Variants in PAMR1 observed in about 807,000 individuals in gnomAD.
The protein encoded by PAMR1 is peptidase domain containing associated with muscle regeneration 1.
Under a neutral mutation model 81.8 loss-of-function variants are expected in PAMR1, and 88 were observed. The observed-to-expected ratio is 1.08, with a 90% CI of 0.91 to 1.28. The LOEUF (loss-of-function observed/expected upper bound fraction) is 1.28, where lower values mean the gene tolerates loss of function less well. Ranked by LOEUF, PAMR1 falls within the 50% of genes most tolerant of loss-of-function variation. PAMR1 has a pLI of 0.00. For missense variants in PAMR1, 935 were observed against 919.7 expected, an observed-to-expected ratio of 1.02 and a Z score of -0.21; for synonymous variants, 336 against 345.3, an observed-to-expected ratio of 0.97 and a Z score of 0.30.
At chr11:35,471,223 C>T (rs1174963298) in intron 4 of PAMR1, among the ~76,000 whole-genome samples, 1 of 152,122 alleles carries the variant, frequency 6.6e-6, no homozygotes, top group East Asian at 1.9e-4. Context: ...CCTTATTTTT[C>T]TCATACTGTA....
At chr11:35,471,449 A>G (rs1167958788) in intron 4 of PAMR1, among the ~76,000 whole-genome samples, 4 of 152,308 alleles carry the variant, frequency 2.6e-5, no homozygotes, top group East Asian at 1.9e-4. Flanking sequence ...GTAATTTTAT[A>G]GTTGGAGAAT....
At chr11:35,466,340 C>A (rs1370892452) in intron 6 of PAMR1, among the ~76,000 whole-genome samples, 1 of 152,150 alleles carries the variant, frequency 6.6e-6, no homozygotes, top group East Asian at 1.9e-4. Flanking sequence ...CTGTGCCAAA[C>A]CAGGGCAAGG....
intron 9 of PAMR1, among the ~76,000 whole-genome samples, chr11:35,435,559 G>A (rs961166114): frequency 6.6e-6 from 1 of 152,124 alleles, no homozygotes; most frequent in Admixed American, 6.5e-5. Context: ...ACTGGGTGAT[G>A]AGTGTAAAAA....
Position 35,470,665 on chromosome 11 carries a change from G to A in PAMR1, c.648C>T (p.Val216=). 6.2e-7 allele frequency: 1 copy of A among 1,614,212 alleles called. No homozygotes were observed. Among genetic ancestry groups the A allele is most frequent in the Non-Finnish European group, 8.5e-7 (1 of 1,180,020 alleles). Reference sequence around the variant, plus strand: ...TCTTGGAGCCATCGGAGTGGAAGAGGACGTGGAGTGAGGATCCTATGCTCT... The same window carrying A: ...TCTTGGAGCCATCGGAGTGGAAGAGAACGTGGAGTGAGGATCCTATGCTCT... ...PIQSIGSSLH[V]LFHSDGSKNF... Residue 216 remains valine (V), a synonymous_variant, in exon 5 of 11, where the codon GTC becomes GTT. Transcript: ENST00000619888.
chr11:35,472,030 T>C (rs1392583114), intron 4 of PAMR1, among the ~76,000 whole-genome samples: 1 of 152,188 alleles, frequency 6.6e-6, no homozygotes, highest in Admixed American at 6.5e-5. Context: ...TTCTAAAAGG[T>C]ACTATTAACA....
chr11:35,435,291 C>T (rs933313764), intron 9 of PAMR1, among the ~76,000 whole-genome samples: 17 of 152,260 alleles, frequency 1.1e-4, no homozygotes, highest in African/African-American at 3.6e-4. Context: ...GCCCCTAATC[C>T]GGACACTTTG....
At chr11:35,473,407 G>A (rs916000037) in intron 4 of PAMR1, among the ~76,000 whole-genome samples, 4 of 152,090 alleles carry the variant, frequency 2.6e-5, no homozygotes, top group African/African-American at 9.7e-5. Context: ...GCCCAGAGGG[G>A]ACCATTTGTC....
chr11:35,445,152 G>T (rs921547295), intron 6 of PAMR1, among the ~76,000 whole-genome samples: 1 of 152,176 alleles, frequency 6.6e-6, no homozygotes, highest in African/African-American at 2.4e-5. Context: ...GTCTGTTGTT[G>T]ATGTATAGGA....
At chr11:35,510,294 T>TTTC (rs1851048256) in intron 1 of PAMR1, among the ~76,000 whole-genome samples, 1 of 152,178 alleles carries the variant, frequency 6.6e-6, no homozygotes, top group Non-Finnish European at 1.5e-5. Context: ...GGACTCATCA[T>TTTC]TATCACTGGA....
At chr11:35,480,033 T>A (rs1210517379) in intron 3 of PAMR1, among the ~76,000 whole-genome samples, 1 of 152,168 alleles carries the variant, frequency 6.6e-6, no homozygotes, top group Non-Finnish European at 1.5e-5. Context: ...TCCACCTGAC[T>A]CTATGATTGT....
chr11:35,440,964 AC>A (rs1195166834), intron 7 of PAMR1, among the ~76,000 whole-genome samples: 2 of 152,164 alleles, frequency 1.3e-5, no homozygotes, highest in Non-Finnish European at 2.9e-5. Flanking sequence ...TGCTGAACTT[AC>A]ACCACTCATC....
intron 1 of PAMR1, among the ~76,000 whole-genome samples, chr11:35,497,972 A>G (rs540116064): frequency 1.3e-5 from 2 of 152,328 alleles, no homozygotes; most frequent in South Asian, 2.1e-4. Context: ...AGGCCACAGG[A>G]TGGAAATAAA....
chr11:35,529,417 A>G (rs1489917602), upstream of PAMR1, among the ~76,000 whole-genome samples: 1 of 152,210 alleles, frequency 6.6e-6, no homozygotes, highest in Non-Finnish European at 1.5e-5. Flanking sequence ...CACAGTGGAC[A>G]TTTGGAGGGC....
chr11:35,452,010 T>A, intron 6 of PAMR1: 1 of 539,504 alleles, frequency 1.9e-6, no homozygotes, highest in East Asian at 3.2e-5. Flanking sequence ...CCAAACTGAC[T>A]AAGACAGAAG....
Position 35,436,076 on chromosome 11 carries a change from G to A in PAMR1, c.1160C>T (p.Ala387Val), listed in dbSNP as rs749383182. 2.5e-6 allele frequency: 4 copies of A among 1,614,138 alleles called. No individual in the cohort carries two copies. The highest frequency in any genetic ancestry group is 3.3e-5 in the Admixed American group (2 of 60,022). ...AAFSKQKLQS[A>V]PTKKPALPFG... The stretch of plus-strand genomic sequence containing the variant: ...GGGAAGGGCTGGCTTCTTGGTAGGG[G>A]CACTCTGCAGTTTCTGCTTGCTGAA... The change falls in exon 9 of 11, where the codon GCC becomes GTC. Residue 387 changes from alanine to valine, a missense_variant. By Grantham distance (64) the Ala-to-Val change is moderately conservative. Transcript: ENST00000619888.
chr11:35,461,611 A>T (rs11033133), intron 6 of PAMR1, among the ~76,000 whole-genome samples: 38,256 of 141,844 alleles, frequency 0.27, 6,074 homozygotes, highest in African/African-American at 0.45. Flanking sequence ...CCCCAAAATT[A>T]AAAAAAAAAA....
intron 6 of PAMR1, among the ~76,000 whole-genome samples, chr11:35,467,302 T>A (rs1393785723): frequency 6.6e-6 from 1 of 152,212 alleles, no homozygotes; most frequent in African/African-American, 2.4e-5. Context: ...ACTTCACTTG[T>A]GTACACATTC....
chr11:35,485,782 C>G (rs1298415687), intron 3 of PAMR1, among the ~76,000 whole-genome samples: 2 of 124,904 alleles, frequency 1.6e-5, no homozygotes, highest in East Asian at 4.6e-4. Flanking sequence ...CCTTCTAAGG[C>G]TCTGTATGGT....
intron 3 of PAMR1, among the ~76,000 whole-genome samples, chr11:35,487,871 G>A (rs1015098511): frequency 6.6e-5 from 10 of 152,214 alleles, no homozygotes; most frequent in African/African-American, 2.4e-4. Context: ...TAAAATGGGA[G>A]TATGTATTTT....
Sources: gnomAD v4.1 joint callset for allele counts (sites outside exome capture counted in the v4.1 genomes callset) on GRCh38, gnomAD v4.1.1 for gene constraint, MANE v1.5 for transcripts, NCBI Gene and HGNC (gene_info 2026-07-23, HGNC 2026-07-21) for gene names.